Variants in AFF3 observed in about 807,000 individuals in gnomAD.
AFF3 encodes AF4/FMR2 family member 3.
A neutral mutation model predicts 129.7 loss-of-function variants in AFF3; 32 were observed. The ratio of observed to expected loss-of-function variants is 0.25; its 90% CI spans 0.19 to 0.33. The LOEUF (loss-of-function observed/expected upper bound fraction) is 0.33. AFF3 is among the 10% of genes least tolerant of loss of function. The probability of loss-of-function intolerance (pLI) is 1.00; values close to 1 mark genes in which losing one functional copy is unlikely to be tolerated. For synonymous variants in AFF3, 644 were observed against 635.4 expected (o/e 1.01, Z -0.20); for missense variants, 1,373 against 1,592.0 (o/e 0.86, Z 2.34).
At chr2:99,782,021 G>A (rs1189251245) in intron 8 of AFF3, among the ~76,000 whole-genome samples, 1 of 152,166 alleles carries the variant, frequency 6.6e-6, no homozygotes, top group Non-Finnish European at 1.5e-5. Flanking sequence ...TTATCTGGGG[G>A]ACTTCAGTTC....
intron 7 of AFF3, among the ~76,000 whole-genome samples, chr2:99,965,944 T>C (rs895852543): frequency 6.6e-6 from 1 of 152,226 alleles, no homozygotes; most frequent in East Asian, 1.9e-4. Flanking sequence ...AAATGCCTCA[T>C]GATGAGTAGA....
intron 13 of AFF3, among the ~76,000 whole-genome samples, chr2:99,609,217 TG>T (rs1442707509): frequency 3.9e-5 from 6 of 152,202 alleles, no homozygotes; most frequent in African/African-American, 1.2e-4. Context: ...CCTTAGGATT[TG>T]TTTTTTTAAT....
chr2:99,685,233 C>T (rs1417107964), intron 11 of AFF3, among the ~76,000 whole-genome samples: 2 of 152,178 alleles, frequency 1.3e-5, no homozygotes, highest in Non-Finnish European at 2.9e-5. Flanking sequence ...GAGCCACCCC[C>T]CTGGCCTTTC....
chr2:99,700,477 T>G (rs1350276172), intron 11 of AFF3, among the ~76,000 whole-genome samples: 1 of 152,230 alleles, frequency 6.6e-6, no homozygotes, highest in Non-Finnish European at 1.5e-5. Flanking sequence ...TCACATTACC[T>G]TGTTTATTTG....
chr2:99,615,740 G>C (rs565902305), intron 13 of AFF3, among the ~76,000 whole-genome samples: 20 of 152,382 alleles, frequency 1.3e-4, no homozygotes, highest in Non-Finnish European at 1.9e-4. Flanking sequence ...CGTGCCAGGG[G>C]TTGGGGGCCA....
intron 8 of AFF3, among the ~76,000 whole-genome samples, chr2:99,793,466 T>G (rs1685350174): frequency 6.6e-6 from 1 of 152,246 alleles, no homozygotes; most frequent in African/African-American, 2.4e-5. Context: ...TTAACACAGA[T>G]AGGACTACAC....
chr2:99,985,483 G>A (rs1222779740), intron 7 of AFF3, among the ~76,000 whole-genome samples: 1 of 152,116 alleles, frequency 6.6e-6, no homozygotes, highest in Non-Finnish European at 1.5e-5. Context: ...CTTTTTAAAG[G>A]TAAATTGGTG....
chr2:99,557,173 G>T (rs936455621), intron 22 of AFF3, among the ~76,000 whole-genome samples: 3 of 151,660 alleles, frequency 2.0e-5, no homozygotes, highest in Non-Finnish European at 4.4e-5. Flanking sequence ...ATAAGTACAC[G>T]CAATTTGTTG....
At chr2:99,705,814 C>T (rs997804218) in intron 11 of AFF3, among the ~76,000 whole-genome samples, 7 of 133,488 alleles carry the variant, frequency 5.2e-5, no homozygotes, top group Non-Finnish European at 9.2e-5. Flanking sequence ...GCGGAGGTTG[C>T]AGTGAGCCGA....
chr2:100,128,312 C>T (rs1314002249), intron 2 of AFF3, among the ~76,000 whole-genome samples: 3 of 152,098 alleles, frequency 2.0e-5, no homozygotes, highest in African/African-American at 4.8e-5. Flanking sequence ...AAGACCCCCT[C>T]TCTTGGAGTC....
chr2:100,055,674 T>C (rs747671995), intron 4 of AFF3, among the ~76,000 whole-genome samples: 1 of 152,074 alleles, frequency 6.6e-6, no homozygotes, highest in Non-Finnish European at 1.5e-5. Flanking sequence ...AGAAAGCAAA[T>C]ATTATAGGCT....
intron 7 of AFF3, among the ~76,000 whole-genome samples, chr2:99,842,543 T>C (rs1689395089): frequency 6.6e-6 from 1 of 152,210 alleles, no homozygotes; most frequent in Non-Finnish European, 1.5e-5. Context: ...TTCCTATCAT[T>C]ACATTTTGAA....
chr2:99,648,917 A>ACACACACACACACACTCTCTCT, intron 13 of AFF3, among the ~76,000 whole-genome samples: 146 of 46,802 alleles, frequency 3.1e-3, no homozygotes, highest in Non-Finnish European at 5.1e-3. Context: ...ACACACACAC[A>ACACACACACACACACTCTCTCT]CTCTCTCTCT....
In AFF3 at chr2:99,943,204, C is replaced by T. The variant is rs146604147; in HGVS notation, c.873+63428G>A. On this transcript the variant is annotated intron_variant, in intron 7 of 24. Transcript: ENST00000672756. ...CAACAGCCCCCAGGATCTACAGCTG[C>T]AGAGAGCACCAGGCAGGATAAACTG... 2.7e-3 allele frequency among the ~76,000 whole-genome samples: 405 copies of T among 152,286 alleles called. 1 individual carries two copies. Among genetic ancestry groups the T allele is most frequent in the Non-Finnish European group, 4.7e-3 (317 of 68,030 alleles).
At chr2:99,644,689 T>C (rs916087785) in intron 13 of AFF3, among the ~76,000 whole-genome samples, 2 of 152,246 alleles carry the variant, frequency 1.3e-5, no homozygotes, top group African/African-American at 4.8e-5. Flanking sequence ...ATAAATCACA[T>C]GAATCCCTTT....
chr2:99,734,955 T>G (rs1680127686), intron 10 of AFF3, among the ~76,000 whole-genome samples: 1 of 152,164 alleles, frequency 6.6e-6, no homozygotes, highest in African/African-American at 2.4e-5. Context: ...CCTCTTCCTG[T>G]GAGTTTGGTA....
chr2:100,074,936 C>A (rs1688473159), intron 4 of AFF3, among the ~76,000 whole-genome samples: 1 of 152,158 alleles, frequency 6.6e-6, no homozygotes, highest in African/African-American at 2.4e-5. Flanking sequence ...AGGAAGCCTG[C>A]AGAGATAAAA....
intron 7 of AFF3, among the ~76,000 whole-genome samples, chr2:99,859,042 T>C (rs533081447): frequency 1.3e-5 from 2 of 152,362 alleles, no homozygotes; most frequent in Admixed American, 1.3e-4. Context: ...AAATCACATT[T>C]TGGAAGAACT....
intron 4 of AFF3, among the ~76,000 whole-genome samples, chr2:100,023,662 T>C (rs1041950850): frequency 6.6e-6 from 1 of 151,970 alleles, no homozygotes; most frequent in Non-Finnish European, 1.5e-5. Context: ...TCAGCTAAGG[T>C]CCAAGCAGAG....
Sources: gnomAD v4.1 joint callset for allele counts (sites outside exome capture counted in the v4.1 genomes callset) on GRCh38, gnomAD v4.1.1 for gene constraint, MANE v1.5 for transcripts, NCBI Gene and HGNC (gene_info 2026-07-23, HGNC 2026-07-21) for gene names.